The following PCDH1 variants were observed in gnomAD, a reference collection of about 807,000 sequenced individuals.
The protein encoded by PCDH1 is protocadherin 1, also known as protocadherin-1.
In PCDH1, 23 loss-of-function variants were observed where a neutral mutation model predicts 74.6. The ratio of observed to expected loss-of-function variants is 0.31; its 90% CI spans 0.22 to 0.44. The LOEUF (loss-of-function observed/expected upper bound fraction) is 0.44. Ranked by LOEUF, PCDH1 falls within the 20% of genes least tolerant of loss-of-function variation. The pLI is 1.00. For synonymous variants in PCDH1, 647 were observed against 686.1 expected (o/e 0.94, Z 0.89); for missense variants, 1,214 against 1,641.4 (o/e 0.74, Z 4.50).
chr5:141,866,203 A>G (rs1213103747), intron 2 of PCDH1: 5 of 985,406 alleles, frequency 5.1e-6, no homozygotes, highest in Non-Finnish European at 6.0e-6. Context: ...TTTCAGCAGC[A>G]ACTTCTCCTC....
intron 4 of PCDH1, among the ~76,000 whole-genome samples, chr5:141,855,778 T>G (rs1446395404): frequency 6.6e-6 from 1 of 152,132 alleles, no homozygotes; most frequent in African/African-American, 2.4e-5. Context: ...ACCCCTGGCC[T>G]TGCCCCAGCT....
chr5:141,868,842 C>T lies in PCDH1; in HGVS notation c.630G>A (p.Gly210=), dbSNP rs759755680. 2 of 1,614,132 alleles carry T rather than the reference C, an allele frequency of 1.2e-6. No homozygotes were observed. Among genetic ancestry groups the T allele is most frequent in the East Asian group, 4.5e-5 (2 of 44,892 alleles). ...GCCCAAATAGCTCCTGGGCCTCAGGCCCAGCCTGCAGCTCATAGGATGCCA... is the reference window on the plus strand; with the variant it reads ...GCCCAAATAGCTCCTGGGCCTCAGGTCCAGCCTGCAGCTCATAGGATGCCA... ...NGVASYELQA[G]PEAQELFGLQ... Residue 210 remains glycine (G), a synonymous_variant, in exon 2 of 5, where the codon GGG becomes GGA. Transcript: ENST00000287008. This position sits in a 1 kb window ranked among gnomAD's most constrained non-coding sequence, Gnocchi z 4.8.
chr5:141,876,112 CGA>C (rs1193499859), intron 1 of PCDH1, among the ~76,000 whole-genome samples: 3 of 152,136 alleles, frequency 2.0e-5, no homozygotes, highest in African/African-American at 7.2e-5. Flanking sequence ...CAGAGGACGC[CGA>C]GTGTGTGTGT....
chr5:141,859,825 T>C (rs1305528468), intron 3 of PCDH1, among the ~76,000 whole-genome samples: 7 of 152,198 alleles, frequency 4.6e-5, no homozygotes, highest in Admixed American at 3.9e-4. Flanking sequence ...TCCAGTGCTC[T>C]TTCTAAAACT....
At chr5:141,861,050 G>A (rs1016034355) in intron 3 of PCDH1, among the ~76,000 whole-genome samples, 2 of 146,700 alleles carry the variant, frequency 1.4e-5, no homozygotes, top group Non-Finnish European at 3.0e-5. Context: ...GGGAGGCAGA[G>A]GTTGCAGTGA....
At chr5:141,877,863 A>G (rs1478972740) in intron 1 of PCDH1, among the ~76,000 whole-genome samples, 1 of 152,142 alleles carries the variant, frequency 6.6e-6, no homozygotes, top group Non-Finnish European at 1.5e-5. Context: ...GTCCTCCGGG[A>G]GACCCCCACC....
At position 141,868,854 on chromosome 5, in the gene PCDH1, C is replaced by T; in HGVS notation, c.618G>A (p.Glu206=). ...DAGPNGVASY[E]LQAGPEAQEL... is the part of the protein sequence containing the mutation. The stretch of plus-strand genomic sequence containing the variant: ...CCTGGGCCTCAGGCCCAGCCTGCAG[C>T]TCATAGGATGCCACACCGTTGGGAC... Residue 206 remains glutamate, a synonymous_variant, in exon 2 of 5, where the codon GAG becomes GAA. Coordinates refer to ENST00000287008, the MANE Select transcript of PCDH1 (RefSeq NM_032420.5). This position sits in a 1 kb window ranked among gnomAD's most constrained non-coding sequence, Gnocchi z 4.8. The T allele has an allele frequency of 6.2e-7, 1 of 1,614,230 alleles. No individual in the cohort carries two copies. The highest frequency in any genetic ancestry group is 8.5e-7 in the Non-Finnish European group (1 of 1,180,046).
chr5:141,853,999 G>A lies in PCDH1; in HGVS notation c.*43C>T, dbSNP rs200494964. On this transcript the variant is annotated 3_prime_UTR_variant, in exon 5 of 5. Coordinates refer to ENST00000287008, the MANE Select transcript of PCDH1 (RefSeq NM_032420.5). ...CCCTGGAATGGGCCATTTGGGAGCT[G>A]GCCGGCGGCTGGGGGAGGGGGGCCG... 1.0e-3 allele frequency: 1,473 copies of A among 1,458,056 alleles called. 3 individuals are homozygous for A. Among genetic ancestry groups the A allele is most frequent in the Middle Eastern group, 5.9e-3 (23 of 3,880 alleles). The allele number at this position is 1,458,056 out of a possible 1,614,324, so 90.3% of individuals were successfully genotyped here. A position where few individuals can be genotyped will look rare whatever the true frequency, so the allele number is the denominator to read the frequency against.
Position 141,862,963 on chromosome 5 carries a change from C to G in PCDH1, c.3099+269G>C, listed in dbSNP as rs545296235. ...TAAGGCCCAGTAGCTGGTCCAGGGT[C>G]CAGGGACTTGGCAAATCACAGGTCT... On this transcript the variant is annotated intron_variant, in intron 3 of 4. Coordinates refer to ENST00000287008, the MANE Select transcript of PCDH1 (RefSeq NM_032420.5). 6.9e-4 allele frequency: 857 copies of G among 1,250,434 alleles called. 1 individual carries two copies. The highest frequency in any genetic ancestry group is 3.4e-3 in the Middle Eastern group (11 of 3,262). 77.5% of individuals were successfully genotyped at this position (1,250,434 alleles called of 1,614,324 possible).
At position 141,863,239 on chromosome 5, in the gene PCDH1, C is replaced by A. The variant is rs774024986; in HGVS notation, c.3092G>T (p.Ser1031Ile). 1.9e-6 allele frequency: 3 copies of A among 1,588,616 alleles called. No individual in the cohort carries two copies. The highest frequency in any genetic ancestry group is 2.7e-5 in the African/African-American group (2 of 74,258). The change falls in exon 3 of 5, where the codon AGC (serine) becomes ATC (isoleucine). Residue 1031 changes from serine (S) to isoleucine (I), a missense_variant. Physicochemically the swap from Ser to Ile is moderately radical, Grantham distance 142. Around this residue, in one of 4 missense-constraint regions of PCDH1, gnomAD observed 836 missense variants for 1,182.2 expected, o/e 0.71. Transcript: ENST00000287008. The surrounding 1 kb of genome is among the most constrained non-coding windows in gnomAD (Gnocchi z 7.5). Reference protein sequence around the residue: ...SYRTNPPKYPSKQLPHRRVTF... With the variant: ...SYRTNPPKYPIKQLPHRRVTF... Reference sequence around the variant, plus strand: ...CTGAAAGGGCTGGCCTACCTGCTTGCTGGGGTATTTGGGGGGGTTGGTGCG... The same window carrying A: ...CTGAAAGGGCTGGCCTACCTGCTTGATGGGGTATTTGGGGGGGTTGGTGCG...
At position 141,868,315 on chromosome 5, in the gene PCDH1, G is replaced by C. The variant is rs138036007; in HGVS notation, c.903+254C>G. Among the ~76,000 whole-genome samples, 35 of 152,326 alleles carry C rather than the reference G, an allele frequency of 2.3e-4. No individual in the cohort carries two copies. The highest frequency in any genetic ancestry group is 7.9e-4 in the African/African-American group (33 of 41,576). On this transcript the variant is annotated intron_variant, in intron 2 of 4. Coordinates refer to ENST00000287008, the MANE Select transcript of PCDH1 (RefSeq NM_032420.5). The surrounding 1 kb of genome is among the most constrained non-coding windows in gnomAD (Gnocchi z 4.8). The stretch of plus-strand genomic sequence containing the variant: ...TACTTCTCAGAGGTTCCCCCAGCTT[G>C]AGTCTGCCTTAGGGGTCACGGGAAA...
rs769551793 is a variant in PCDH1, at chr5:141,869,297, G to A, written c.175C>T (p.Arg59Trp). 25 of 1,604,586 alleles carry A rather than the reference G, an allele frequency of 1.6e-5. No homozygotes were observed. The highest frequency in any genetic ancestry group is 4.5e-5 in the East Asian group (2 of 44,480). Residue 59 changes from arginine (R) to tryptophan (W), a missense_variant, in exon 2 of 5, where the codon CGG (arginine) becomes TGG (tryptophan). Arg to Trp is a moderately radical substitution (Grantham distance 101). Transcript: ENST00000287008. This position sits in a 1 kb window ranked among gnomAD's most constrained non-coding sequence, Gnocchi z 4.9. Reference sequence around the variant, plus strand: ...TCCTCCGGCACCTTGTACACTACCCGAGTGGCGTGGCCTGGGGATGGAGCC... The same window carrying A: ...TCCTCCGGCACCTTGTACACTACCCAAGTGGCGTGGCCTGGGGATGGAGCC... ...LLAPSPGHAT[R>W]VVYKVPEEQP...
rs369457057 is a variant in PCDH1 at position 141,863,693 on chromosome 5, G to A, written c.2638C>T (p.Arg880Trp). The change falls in exon 3 of 5, where the codon CGG becomes TGG. Residue 880 changes from arginine (R) to tryptophan (W), a missense_variant. Transcript: ENST00000287008. The surrounding 1 kb of genome is among the most constrained non-coding windows in gnomAD (Gnocchi z 7.5). ...GCCTGGTAACCACTTTTGGCCTCCC[G>A]CTGTCTGCAGTAGCGCACAAGAACC... Reference protein sequence around the residue: ...LAVLVRYCRQREAKSGYQAGK... With the variant: ...LAVLVRYCRQWEAKSGYQAGK... 10 of 1,614,026 alleles carry A rather than the reference G, an allele frequency of 6.2e-6. No homozygotes were observed. Among genetic ancestry groups the A allele is most frequent in the African/African-American group, 4.0e-5 (3 of 74,912 alleles).
At chr5:141,866,057 T>G in intron 2 of PCDH1, 2 of 986,070 alleles carry the variant, frequency 2.0e-6, no homozygotes, top group Non-Finnish European at 2.4e-6. Flanking sequence ...TTTGCACACA[T>G]GAGTAAAGAC....
Position 141,857,240 on chromosome 5 carries a change from G to A in PCDH1, c.3319+12C>T. 2 of 1,553,424 alleles carry A rather than the reference G, an allele frequency of 1.3e-6. No homozygotes were observed. The highest frequency in any genetic ancestry group is 1.2e-5 in the South Asian group (1 of 82,946). ...ATTCCTGGGGTGCCCTGACCATGGT[G>A]CTGCGCCTCACCATTCTCGGGGTGC... is the stretch of plus-strand genomic sequence containing the variant. On this transcript the variant is annotated intron_variant, in intron 4 of 4. Coordinates refer to ENST00000287008, the MANE Select transcript of PCDH1 (RefSeq NM_032420.5).
At position 141,878,371 on chromosome 5, in the gene PCDH1, G is replaced by T; in HGVS notation, c.-109C>A. The T allele has an allele frequency of 1.2e-6, 1 of 848,140 alleles. No individual in the cohort carries two copies. The highest frequency in any genetic ancestry group is 1.5e-6 in the Non-Finnish European group (1 of 661,146). The allele number at this position is 848,140 out of a possible 1,614,324, so 52.5% of individuals were successfully genotyped here. On this transcript the variant is annotated 5_prime_UTR_variant, in exon 1 of 5. Transcript: ENST00000287008. This position sits in a 1 kb window ranked among gnomAD's most constrained non-coding sequence, Gnocchi z 5.5. ...CTGGCTCTGGGCGCAGCAGCCCGGC[G>T]GCTTTGCGTCCGCGCCGCGCTCCCG...
intron 1 of PCDH1, among the ~76,000 whole-genome samples, chr5:141,872,077 C>G (rs1753107330): frequency 6.6e-6 from 1 of 152,120 alleles, no homozygotes; most frequent in Non-Finnish European, 1.5e-5. Context: ...GAATGTTAAT[C>G]TCTTTAAAGG....
rs1561486648 is a variant in PCDH1 at position 141,868,764 on chromosome 5, G to A, written c.708C>T (p.Gly236=). The A allele has an allele frequency of 6.2e-7, 1 of 1,614,198 alleles. No homozygotes were observed. Among genetic ancestry groups the A allele is most frequent in the Non-Finnish European group, 8.5e-7 (1 of 1,180,018 alleles). Reference sequence around the variant, plus strand: ...AGTCCCAGCGCTCACGGTCCAGGTTGCCCATCACAATGAGCTGTGGTTGCT... The same window carrying A: ...AGTCCCAGCGCTCACGGTCCAGGTTACCCATCACAATGAGCTGTGGTTGCT... ...EEKQPQLIVM[G]NLDRERWDSY... The change falls in exon 2 of 5, where the codon GGC becomes GGT. Residue 236 remains glycine, a synonymous_variant. Transcript: ENST00000287008. The surrounding 1 kb of genome is among the most constrained non-coding windows in gnomAD (Gnocchi z 4.8).
chr5:141,857,445 C>G lies in PCDH1; in HGVS notation c.3126G>C (p.Ser1042=), dbSNP rs140077127. 6.2e-7 allele frequency: 1 copy of G among 1,613,560 alleles called. No individual in the cohort carries two copies. The highest frequency in any genetic ancestry group is 8.5e-7 in the Non-Finnish European group (1 of 1,179,814). ...GCAGCTCCTGGGCCTGGCTGGTGGC[C>G]GAGAAGGTGACGCGGCGGTGAGGTA... ...KQLPHRRVTF[S]ATSQAQELQD... is the part of the protein sequence containing the mutation. The change falls in exon 4 of 5, where the codon TCG becomes TCC. Residue 1042 remains serine (S), a synonymous_variant. Transcript: ENST00000287008.
Sources: gnomAD v4.1 joint callset for allele counts (sites outside exome capture counted in the v4.1 genomes callset) on GRCh38, gnomAD v4.1.1 for gene constraint, gnomAD v4.1.1 regional missense constraint, Gnocchi (gnomAD v3.1) non-coding constraint, MANE v1.5 for transcripts, NCBI Gene and HGNC (gene_info 2026-07-23, HGNC 2026-07-21) for gene names.